MOBP: variants seen among roughly 807,000 people sequenced by gnomAD.
The protein encoded by MOBP is myelin associated oligodendrocyte basic protein.
A neutral mutation model predicts 15.0 loss-of-function variants in MOBP; 5 were observed. The ratio of observed to expected loss-of-function variants is 0.33; its 90% CI spans 0.17 to 0.70. The LOEUF (loss-of-function observed/expected upper bound fraction) is 0.70. MOBP is among the 30% of genes least tolerant of loss of function. The pLI, the probability that MOBP is intolerant of heterozygous loss-of-function variation, is 0.67. For missense variants in MOBP, 188 were observed against 257.8 expected (o/e 0.73, Z 1.85); for synonymous variants, 88 against 99.0 (o/e 0.89, Z 0.66).
chr3:39,527,975 A>G (rs552687587), downstream of MOBP: 2 of 152,308 alleles, frequency 1.3e-5, no homozygotes, highest in African/African-American at 2.4e-5. Flanking sequence ...AAGAGAAGAT[A>G]TGAGCCGCCT....
chr3:39,472,797 G>A (rs1272357070), intron 1 of MOBP, among the ~76,000 whole-genome samples: 2 of 152,298 alleles, frequency 1.3e-5, no homozygotes, highest in South Asian at 2.1e-4. Context: ...GTGGTGGTGC[G>A]TGCCTACAGT....
At chr3:39,513,731 AC>A in exon 5 of MOBP, 1 of 355,686 alleles carries the variant, frequency 2.8e-6, no homozygotes, top group East Asian at 4.5e-5. Flanking sequence ...CAGGATATGC[AC>A]AGGCCTCCAG....
intron 2 of MOBP, among the ~76,000 whole-genome samples, chr3:39,490,429 A>G (rs1456874116): frequency 1.3e-5 from 2 of 152,224 alleles, no homozygotes; most frequent in Non-Finnish European, 1.5e-5. Flanking sequence ...GAAGATTGAT[A>G]AATATTTTAA....
At chr3:39,522,285 C>T (rs2043278576) in intron 3 of MOBP, among the ~76,000 whole-genome samples, 2 of 152,076 alleles carry the variant, frequency 1.3e-5, no homozygotes, top group Admixed American at 1.3e-4. Context: ...TACAGTAAAA[C>T]AAAAAAAGTT....
At chr3:39,476,420 A>G (rs188475927) in intron 1 of MOBP, among the ~76,000 whole-genome samples, 5 of 152,300 alleles carry the variant, frequency 3.3e-5, no homozygotes, top group Admixed American at 3.3e-4. Context: ...TAACTTACAT[A>G]TGCACACACC....
intron 1 of MOBP, among the ~76,000 whole-genome samples, chr3:39,469,334 T>TC (rs2042433754): frequency 7.0e-6 from 1 of 141,884 alleles, no homozygotes; most frequent in Admixed American, 6.9e-5. Flanking sequence ...TTAATTTTAA[T>TC]TAAAATTTAT....
chr3:39,493,577 C>G (rs2042832028), intron 2 of MOBP, among the ~76,000 whole-genome samples: 1 of 152,168 alleles, frequency 6.6e-6, no homozygotes, highest in Admixed American at 6.5e-5. Context: ...TGTTCATTCT[C>G]TCATTTTTAA....
At chr3:39,528,380 T>C (rs2043357067), downstream of MOBP, 1 of 140,726 alleles carries the variant, frequency 7.1e-6, no homozygotes, top group African/African-American at 3.1e-5. Context: ...GTTGATTCCA[T>C]ACCTCAAGCT....
At chr3:39,528,398 A>AAC (rs972209006), downstream of MOBP, 1 of 152,072 alleles carries the variant, frequency 6.6e-6, no homozygotes, top group African/African-American at 2.4e-5. Flanking sequence ...GCTAGGGAAA[A>AAC]AAAATCAGAA....
rs563127122 is a variant in MOBP at position 39,473,486 on chromosome 3, G to T, written c.-89+5746G>T. Among the ~76,000 whole-genome samples the T allele has an allele frequency of 2.6e-5, 4 of 152,318 alleles. No homozygotes were observed. The East Asian group carries it at 7.7e-4, about 29-fold the overall frequency. On this transcript the variant is annotated intron_variant, in intron 1 of 3. Transcript: ENST00000684792. ...AGCAGGAGAGGCGTGCTTAAGATTG[G>T]CTAGTTTGAATAATTTCATGGGGCT...
intron 2 of MOBP, among the ~76,000 whole-genome samples, chr3:39,495,923 AC>A: frequency 6.6e-6 from 1 of 152,048 alleles, no homozygotes; most frequent in East Asian, 1.9e-4. Context: ...GAGAGAAGAT[AC>A]AAATATAGAA....
intron 1 of MOBP, among the ~76,000 whole-genome samples, chr3:39,471,823 C>T (rs578259560): frequency 1.3e-5 from 2 of 152,332 alleles, no homozygotes; most frequent in African/African-American, 4.8e-5. Flanking sequence ...GAGATATAGA[C>T]ACCACAGCGC....
chr3:39,476,346 A>G (rs2042545166), intron 1 of MOBP, among the ~76,000 whole-genome samples: 1 of 152,150 alleles, frequency 6.6e-6, no homozygotes, highest in Non-Finnish European at 1.5e-5. Context: ...ATTTCTTGCT[A>G]TTGGGGTGTT....
chr3:39,473,447 G>C (rs955467438), intron 1 of MOBP, among the ~76,000 whole-genome samples: 6 of 152,198 alleles, frequency 3.9e-5, no homozygotes, highest in South Asian at 4.1e-4. Context: ...GGGAGAAATG[G>C]TCTAGGCAGA....
chr3:39,500,011 G>A (rs756842525), intron 2 of MOBP: 14 of 455,934 alleles, frequency 3.1e-5, no homozygotes, highest in Middle Eastern at 6.5e-4. Context: ...ATGTTGCAGA[G>A]CATGCTGGCC....
chr3:39,522,620 A>T (rs2043283543), intron 3 of MOBP, among the ~76,000 whole-genome samples: 1 of 152,244 alleles, frequency 6.6e-6, no homozygotes, highest in South Asian at 2.1e-4. Context: ...GACTTTGCCT[A>T]GAAATGTCCC....
At chr3:39,480,672 G>A (rs1463256268) in intron 2 of MOBP, among the ~76,000 whole-genome samples, 1 of 152,164 alleles carries the variant, frequency 6.6e-6, no homozygotes, top group Non-Finnish European at 1.5e-5. Flanking sequence ...CTCCATTCCT[G>A]TGGCAGCCTT....
downstream of MOBP, chr3:39,526,242 T>C (rs563363692): frequency 6.6e-6 from 1 of 152,274 alleles, no homozygotes; most frequent in South Asian, 2.1e-4. Context: ...ATTGTGGAGG[T>C]GAGAGTATAG....
chr3:39,499,939 C>G, intron 2 of MOBP: 1 of 441,006 alleles, frequency 2.3e-6, no homozygotes, highest in Non-Finnish European at 4.6e-6. Flanking sequence ...ACCTTGTTCT[C>G]TAGCCCAACA....
Sources: allele counts gnomAD v4.1 joint callset (sites outside exome capture counted in the v4.1 genomes callset), GRCh38; gene constraint gnomAD v4.1.1; transcripts MANE v1.5; gene names NCBI Gene and HGNC (gene_info 2026-07-23, HGNC 2026-07-21).